POLE2: variants seen among roughly 807,000 people sequenced by gnomAD.
The protein encoded by POLE2 is DNA polymerase epsilon subunit 2.
In POLE2, 56 loss-of-function variants were observed where a neutral mutation model predicts 79.4. The ratio of observed to expected loss-of-function variants is 0.71; its 90% confidence interval spans 0.57 to 0.88. POLE2 has a LOEUF of 0.88. POLE2 is among the 40% of genes least tolerant of loss of function. POLE2 has a pLI of 0.00. For synonymous variants in POLE2, 212 were observed against 214.0 expected (o/e 0.99, Z 0.08); for missense variants, 598 against 638.9 (o/e 0.94, Z 0.69).
At chr14:49,658,606 G>A (rs1263805289) in intron 10 of POLE2, among the ~76,000 whole-genome samples, 5 of 152,172 alleles carry the variant, frequency 3.3e-5, no homozygotes, top group Admixed American at 6.5e-5. Context: ...GCATAAAAAC[G>A]TTTTGGCAAT....
At chr14:49,667,351 A>G (rs1450009748) in intron 6 of POLE2, among the ~76,000 whole-genome samples, 2 of 152,160 alleles carry the variant, frequency 1.3e-5, no homozygotes, top group African/African-American at 2.4e-5. Context: ...ATTGAAGTTA[A>G]TATTATCTGA....
At chr14:49,650,944 G>A (rs1197611636) in intron 16 of POLE2, among the ~76,000 whole-genome samples, 1 of 152,094 alleles carries the variant, frequency 6.6e-6, no homozygotes, top group African/African-American at 2.4e-5. Context: ...TGTAACCAAT[G>A]GGATAAATAA....
chr14:49,657,523 C>T (rs1020540855), intron 10 of POLE2, among the ~76,000 whole-genome samples: 1 of 151,308 alleles, frequency 6.6e-6, no homozygotes, highest in Admixed American at 6.6e-5. Flanking sequence ...TCACTGCAAC[C>T]TTCATCTCCC....
chr14:49,654,170 C>T lies in POLE2; in HGVS notation c.1118G>A (p.Gly373Asp), dbSNP rs764494280. ...CAAAACTTACCTTGGTAAGATGGAACCAAATCCAGGATCCTCTGGACCAGG... is the reference window on the plus strand; with the variant it reads ...CAAAACTTACCTTGGTAAGATGGAATCAAATCCAGGATCCTCTGGACCAGG... ...FVPGPEDPGF[G>D]SILPRPPLAE... The change falls in exon 14 of 19, where the codon GGT (glycine) becomes GAT (aspartate). Residue 373 changes from glycine to aspartate, a missense_variant. Coordinates refer to ENST00000216367, the MANE Select transcript of POLE2 (RefSeq NM_002692.4). 6.2e-7 allele frequency: 1 copy of T among 1,611,352 alleles called. No homozygotes were observed. Among genetic ancestry groups the T allele is most frequent in the East Asian group, 2.2e-5 (1 of 44,838 alleles).
chr14:49,651,917 C>T (rs1246955237), intron 15 of POLE2, among the ~76,000 whole-genome samples: 1 of 151,926 alleles, frequency 6.6e-6, no homozygotes, highest in Non-Finnish European at 1.5e-5. Context: ...GACTGGAGCT[C>T]GCCTGGCATC....
At chr14:49,644,398 T>C (rs1398334787) in intron 18 of POLE2, among the ~76,000 whole-genome samples, 1 of 150,900 alleles carries the variant, frequency 6.6e-6, no homozygotes, top group Non-Finnish European at 1.5e-5. Flanking sequence ...TAATCCCAGC[T>C]ACTCGGGAGG....
chr14:49,684,285 A>G (rs1349397065), intron 1 of POLE2, among the ~76,000 whole-genome samples: 1 of 152,006 alleles, frequency 6.6e-6, no homozygotes, highest in Non-Finnish European at 1.5e-5. Context: ...ACACACGATG[A>G]AACCCCGTCT....
chr14:49,678,254 C>T (rs377147639), intron 3 of POLE2, among the ~76,000 whole-genome samples: 5 of 152,016 alleles, frequency 3.3e-5, no homozygotes, highest in African/African-American at 1.2e-4. Context: ...CTGCCCACCT[C>T]GGCCTCCCAA....
chr14:49,646,716 T>C (rs1883804301), intron 18 of POLE2: 1 of 152,202 alleles, frequency 6.6e-6, no homozygotes, highest in Non-Finnish European at 1.5e-5. Flanking sequence ...GGAAATAATA[T>C]TTAAAATGCC....
At chr14:49,673,992 T>C in intron 5 of POLE2, 131 bp downstream of exon 5, 1 of 685,754 alleles carries the variant, frequency 1.5e-6, no homozygotes, top group South Asian at 1.7e-5. Flanking sequence ...TTAATAACAG[T>C]TTATTGAATG....
chr14:49,650,214 G>T (rs1884109146), intron 17 of POLE2, 51 bp downstream of exon 17: 3 of 924,916 alleles, frequency 3.2e-6, no homozygotes, highest in East Asian at 2.9e-5. Context: ...ATTAAAAAAT[G>T]CACTCTAATC....
At chr14:49,647,832 C>CTA (rs1883896559) in intron 17 of POLE2, among the ~76,000 whole-genome samples, 1 of 152,162 alleles carries the variant, frequency 6.6e-6, no homozygotes, top group Non-Finnish European at 1.5e-5. Flanking sequence ...CAAGATGTGA[C>CTA]TATAAAGTAA....
At chr14:49,652,950 G>A (rs572987871) in intron 15 of POLE2, among the ~76,000 whole-genome samples, 1 of 152,048 alleles carries the variant, frequency 6.6e-6, no homozygotes, top group Non-Finnish European at 1.5e-5. Flanking sequence ...GAGGTATAGA[G>A]AGAGAGCAGA....
intron 10 of POLE2, among the ~76,000 whole-genome samples, chr14:49,659,082 G>A (rs1421629365): frequency 3.9e-5 from 6 of 152,086 alleles, no homozygotes; most frequent in Non-Finnish European, 7.4e-5. Flanking sequence ...TAATACACTT[G>A]TTTTAGTTTT....
chr14:49,666,309 G>C (rs780990091), intron 7 of POLE2, 21 bp downstream of exon 7: 4 of 1,303,366 alleles, frequency 3.1e-6, no homozygotes, highest in Non-Finnish European at 4.3e-6. Context: ...AAAAATAAAA[G>C]TTTGATGCTT....
intron 15 of POLE2, among the ~76,000 whole-genome samples, chr14:49,651,708 AAGAC>A (rs1446964941): frequency 1.3e-5 from 2 of 152,196 alleles, no homozygotes; most frequent in African/African-American, 2.4e-5. Flanking sequence ...GAAAAAGAAA[AAGAC>A]AGGCTAAGAG....
chr14:49,652,821 T>A (rs901471753), intron 15 of POLE2, among the ~76,000 whole-genome samples: 1 of 152,196 alleles, frequency 6.6e-6, no homozygotes, highest in South Asian at 2.1e-4. Flanking sequence ...GCACAATAAG[T>A]GTAATACGCT....
intron 6 of POLE2, among the ~76,000 whole-genome samples, chr14:49,667,159 T>A (rs1486226448): frequency 6.6e-6 from 1 of 151,606 alleles, no homozygotes; most frequent in East Asian, 1.9e-4. Flanking sequence ...CATTCCAGCC[T>A]GGGTGACAGA....
At chr14:49,657,228 G>A (rs990387747) in intron 10 of POLE2, among the ~76,000 whole-genome samples, 17 of 151,762 alleles carry the variant, frequency 1.1e-4, no homozygotes, top group African/African-American at 4.1e-4. Context: ...TGAATGTCAC[G>A]AATCATGCTA....
Sources: allele counts gnomAD v4.1 joint callset (sites outside exome capture counted in the v4.1 genomes callset), GRCh38; gene constraint gnomAD v4.1.1; transcripts MANE v1.5; gene names NCBI Gene and HGNC (gene_info 2026-07-23, HGNC 2026-07-21).